WWTR1: variants seen among roughly 807,000 people sequenced by gnomAD.
WWTR1 encodes the protein WW domain-containing transcription regulator protein 1.
In WWTR1, 13 loss-of-function variants were observed where a neutral mutation model predicts 40.1. The observed-to-expected ratio is 0.32, with a 90% CI of 0.21 to 0.52. The LOEUF (loss-of-function observed/expected upper bound fraction) is 0.52, where lower values mean the gene tolerates loss of function less well. Among genes scored for constraint, WWTR1 ranks in the 20% least tolerant of loss-of-function variants. WWTR1 has a pLI of 0.97. For missense variants in WWTR1, 436 were observed against 523.1 expected (o/e 0.83, Z 1.63); for synonymous variants, 230 against 210.1 (o/e 1.09, Z -0.82).
Position 149,607,312 on chromosome 3 carries a change from A to T in WWTR1, c.432-34312T>A, listed in dbSNP as rs188662739. ...AACTTCAGTGACCTTTGAGAATTTG[A>T]CATAGTTCTTTTCTTTTTTTGAGAC... On this transcript the variant is annotated intron_variant, in intron 2 of 6. Coordinates refer to ENST00000360632, the MANE Select transcript of WWTR1 (RefSeq NM_015472.6). 3.3e-5 allele frequency among the ~76,000 whole-genome samples: 5 copies of T among 152,102 alleles called. No homozygotes were observed. The East Asian group carries it at 7.7e-4, about 24-fold the overall frequency.
At chr3:149,603,854 C>CAAAAAAAAA (rs370980729) in intron 2 of WWTR1, among the ~76,000 whole-genome samples, 2 of 83,294 alleles carry the variant, frequency 2.4e-5, no homozygotes, top group Non-Finnish European at 4.6e-5. Context: ...AGCGGCATAC[C>CAAAAAAAAA]AAAAAAAAAA....
intron 6 of WWTR1, among the ~76,000 whole-genome samples, chr3:149,524,583 C>T (rs1215499317): frequency 6.6e-6 from 1 of 152,106 alleles, no homozygotes; most frequent in East Asian, 1.9e-4. Context: ...AACTGAAGAA[C>T]AGTAAAACAA....
chr3:149,718,602 T>C lies in WWTR1; in HGVS notation n.460-1036A>G, dbSNP rs542492288. The stretch of plus-strand genomic sequence containing the variant: ...CCAGATCTCTTTTCATCTTGCAAAA[T>C]TGAAACTCTATGCCCGTTAAACAAC... On this transcript the variant is annotated intron_variant and non_coding_transcript_variant, in intron 4 of 6. Transcript: ENST00000474080. Among the ~76,000 whole-genome samples, 9 of 152,294 alleles carry C rather than the reference T, an allele frequency of 5.9e-5. No individual in the cohort carries two copies. In the East Asian group the frequency reaches 7.7e-4, roughly 13 times the overall value.
chr3:149,541,105 T>G (rs1303552046), intron 4 of WWTR1: 1 of 453,182 alleles, frequency 2.2e-6, no homozygotes, highest in South Asian at 1.6e-5. Context: ...CAAAAGGAAG[T>G]TATTCATGTA....
At chr3:149,555,737 C>T (rs762518251) in intron 3 of WWTR1, among the ~76,000 whole-genome samples, 1 of 152,040 alleles carries the variant, frequency 6.6e-6, no homozygotes, top group African/African-American at 2.4e-5. Flanking sequence ...CAATGATCTA[C>T]GGTTCACCTA....
At chr3:149,694,663 C>T (rs1714923889) in intron 1 of WWTR1, among the ~76,000 whole-genome samples, 1 of 152,122 alleles carries the variant, frequency 6.6e-6, no homozygotes, top group Non-Finnish European at 1.5e-5. Context: ...ATCCAAAAGA[C>T]AGGCAATAAT....
chr3:149,583,587 T>C (rs1001359537), intron 2 of WWTR1, among the ~76,000 whole-genome samples: 16 of 152,206 alleles, frequency 1.1e-4, no homozygotes, highest in Non-Finnish European at 2.1e-4. Flanking sequence ...AGGCTTTGTG[T>C]ACATTATATT....
chr3:149,561,510 T>C (rs1441060776), intron 3 of WWTR1, among the ~76,000 whole-genome samples: 3 of 152,192 alleles, frequency 2.0e-5, no homozygotes, highest in Non-Finnish European at 4.4e-5. Context: ...TAAATGTACA[T>C]ACTCTTTGAT....
intron 2 of WWTR1, among the ~76,000 whole-genome samples, chr3:149,629,678 A>G (rs1189734319): frequency 2.0e-5 from 3 of 152,232 alleles, no homozygotes; most frequent in Admixed American, 1.3e-4. Flanking sequence ...CTGGCACTAA[A>G]TGAGTATTAA....
At chr3:149,522,257 T>G (rs562451111) in intron 6 of WWTR1, among the ~76,000 whole-genome samples, 2 of 152,268 alleles carry the variant, frequency 1.3e-5, no homozygotes, top group African/African-American at 4.8e-5. Context: ...TTCACTATTT[T>G]AAGCAAAATT....
At chr3:149,669,501 A>G (rs1438587399) in intron 2 of WWTR1, among the ~76,000 whole-genome samples, 2 of 152,220 alleles carry the variant, frequency 1.3e-5, no homozygotes, top group African/African-American at 2.4e-5. Flanking sequence ...GAAGACAAAC[A>G]AGGTCCCCAG....
At chr3:149,579,582 C>T (rs943147030) in intron 2 of WWTR1, among the ~76,000 whole-genome samples, 2 of 151,962 alleles carry the variant, frequency 1.3e-5, no homozygotes, top group Non-Finnish European at 2.9e-5. Context: ...GAGGCTGAGG[C>T]GGGAGGACTG....
chr3:149,638,735 G>T (rs1429902486), intron 2 of WWTR1, among the ~76,000 whole-genome samples: 1 of 152,010 alleles, frequency 6.6e-6, no homozygotes, highest in African/African-American at 2.4e-5. Context: ...ATATCCGCTA[G>T]TCACGCTAGA....
chr3:149,574,795 T>TAAA (rs35224415), intron 2 of WWTR1, among the ~76,000 whole-genome samples: 1 of 126,526 alleles, frequency 7.9e-6, no homozygotes. Flanking sequence ...TAAATGTGAT[T>TAAA]AAAAAAAAAA....
intron 2 of WWTR1, among the ~76,000 whole-genome samples, chr3:149,584,385 C>T (rs1738307488): frequency 6.6e-6 from 1 of 152,178 alleles, no homozygotes; most frequent in African/African-American, 2.4e-5. Flanking sequence ...ATGAGCCACC[C>T]TGGCTCTGGC....
chr3:149,718,975 G>T (rs1252123510), intron 4 of WWTR1, among the ~76,000 whole-genome samples: 1 of 151,662 alleles, frequency 6.6e-6, no homozygotes, highest in Non-Finnish European at 1.5e-5. Flanking sequence ...ACTGGTGCTT[G>T]TCACCACGCC....
At chr3:149,676,242 T>G (rs1284197926) in intron 1 of WWTR1, among the ~76,000 whole-genome samples, 1 of 122,334 alleles carries the variant, frequency 8.2e-6, no homozygotes, top group East Asian at 2.4e-4. Context: ...GAATTCTGAT[T>G]TCCCCAAAAA....
chr3:149,615,815 G>A (rs574759511), intron 2 of WWTR1, among the ~76,000 whole-genome samples: 4 of 152,290 alleles, frequency 2.6e-5, no homozygotes, highest in African/African-American at 9.6e-5. Flanking sequence ...CACCACAGAG[G>A]TGTCTGCTAC....
chr3:149,664,883 C>T (rs1204231271), intron 2 of WWTR1, among the ~76,000 whole-genome samples: 1 of 151,956 alleles, frequency 6.6e-6, no homozygotes, highest in African/African-American at 2.4e-5. Flanking sequence ...ACCACCGCGC[C>T]CGGCCAGAAG....
Sources: gnomAD v4.1 joint callset for allele counts (sites outside exome capture counted in the v4.1 genomes callset) on GRCh38, gnomAD v4.1.1 for gene constraint, MANE v1.5 for transcripts, NCBI Gene and HGNC (gene_info 2026-07-23, HGNC 2026-07-21) for gene names.